ANKS3: variants seen among roughly 807,000 people sequenced by gnomAD.
The protein encoded by ANKS3 is ankyrin repeat and sterile alpha motif domain containing 3.
A neutral mutation model predicts 80.7 loss-of-function variants in ANKS3; 62 were observed. The ratio of observed to expected loss-of-function variants is 0.77; its 90% confidence interval spans 0.63 to 0.95. ANKS3 has a LOEUF of 0.95. Ranked by LOEUF, ANKS3 falls within the 40% of genes least tolerant of loss-of-function variation. The probability of loss-of-function intolerance (pLI) is 0.00; values close to 1 mark genes in which losing one functional copy is unlikely to be tolerated. For synonymous variants in ANKS3, 489 were observed against 355.3 expected, an observed-to-expected ratio of 1.38 and a Z score of -4.23; for missense variants, 1,150 against 883.6, an observed-to-expected ratio of 1.30 and a Z score of -3.82.
At chr16:4,723,889 C>A (rs62037159) in intron 6 of ANKS3, among the ~76,000 whole-genome samples, 1 of 151,164 alleles carries the variant, frequency 6.6e-6, no homozygotes, top group Admixed American at 6.6e-5. Flanking sequence ...CCCAACTCTA[C>A]CAAAAAAAAA....
At chr16:4,711,770 A>G (rs900102790) in intron 7 of ANKS3, among the ~76,000 whole-genome samples, 3 of 151,934 alleles carry the variant, frequency 2.0e-5, no homozygotes, top group Non-Finnish European at 2.9e-5. Flanking sequence ...ACCTCTGCAG[A>G]TAAGTCTGAA....
chr16:4,719,983 G>A lies in ANKS3; in HGVS notation c.573+4767C>T, dbSNP rs182725483. On this transcript the variant is annotated intron_variant, in intron 6 of 17. Transcript: ENST00000304283. ...TCGAGACCAGCCTGGCCAACATGGT[G>A]AAACCCTGTCTCCACTAAAAATACA... Among the ~76,000 whole-genome samples, 190 of 150,166 alleles carry A rather than the reference G, an allele frequency of 1.3e-3. 4 individuals are homozygous for A. Among genetic ancestry groups the A allele is most frequent in the African/African-American group, 4.2e-3 (174 of 41,058 alleles).
chr16:4,703,780 G>A (rs1027168420), intron 8 of ANKS3, among the ~76,000 whole-genome samples: 3 of 152,086 alleles, frequency 2.0e-5, no homozygotes, highest in African/African-American at 7.2e-5. Context: ...CAAGGTATGA[G>A]AAAACAAAAA....
intron 7 of ANKS3, among the ~76,000 whole-genome samples, chr16:4,712,357 G>A (rs2080539803): frequency 6.6e-6 from 1 of 151,960 alleles, no homozygotes; most frequent in Non-Finnish European, 1.5e-5. Flanking sequence ...TCCAGCCTGG[G>A]CAACAGAGCA....
At chr16:4,714,378 CT>C in intron 6 of ANKS3, 192 bp from the exon 7 acceptor site, 1 of 774,004 alleles carries the variant, frequency 1.3e-6, no homozygotes, top group Non-Finnish European at 2.0e-6. Context: ...TCACTCTCTT[CT>C]TAGGGACAAG....
chr16:4,701,680 T>G, intron 9 of ANKS3, 137 bp from the exon 10 acceptor site: 1 of 702,802 alleles, frequency 1.4e-6, no homozygotes, highest in Non-Finnish European at 2.3e-6. Context: ...TCAAACTTCC[T>G]GCCTGTCCTA....
chr16:4,711,155 C>T (rs561185620), intron 7 of ANKS3, among the ~76,000 whole-genome samples: 65 of 132,628 alleles, frequency 4.9e-4, no homozygotes, highest in Admixed American at 4.9e-3. Context: ...CTAGGCTGGA[C>T]TGCAATGGCA....
chr16:4,698,641 G>A (rs545419797), intron 13 of ANKS3, 42 bp from the exon 14 acceptor site: 74 of 1,533,568 alleles, frequency 4.8e-5, no homozygotes, highest in African/African-American at 6.8e-5. Context: ...GGAGGTGGCC[G>A]GTCAAGCCAG....
chr16:4,697,038 C>T lies in ANKS3; in HGVS notation c.1961G>A (p.Arg654Gln), dbSNP rs35716126. 826 of 1,613,652 alleles carry T rather than the reference C, an allele frequency of 5.1e-4. 6 individuals are homozygous for T. The highest frequency in any genetic ancestry group is 2.3e-4 in the Admixed American group (14 of 59,986). Residue 654 changes from arginine to glutamine, a missense_variant, in exon 17 of 18, where the codon CGG (arginine) becomes CAG (glutamine). Physicochemically the swap from Arg to Gln is conservative, Grantham distance 43. Coordinates refer to ENST00000304283, the MANE Select transcript of ANKS3 (RefSeq NM_133450.4). The part of the protein sequence containing the change: ...KLQVLNGKKW[R>Q]ET ...TCACCGGCCCGCAGGCTAGGTCTCC[C>T]GCCACTTCTTCCCGTTCAGCACCTG...
In ANKS3 at chr16:4,701,124, T is replaced by C. The variant is rs779978721; in HGVS notation, c.1130A>G (p.His377Arg). 1.2e-6 allele frequency: 2 copies of C among 1,613,944 alleles called. No individual in the cohort carries two copies. The highest frequency in any genetic ancestry group is 1.1e-5 in the South Asian group (1 of 91,086). ...ASVESNEDSD[H>R]ACKSSARKQA... ...TTTGCGAGCTGAGCTTTTACAGGCA[T>C]GATCCGAGTCCTGCAGTGAGAGGCG... The change falls in exon 11 of 18, where the codon CAT (histidine) becomes CGT (arginine). Residue 377 changes from histidine (H) to arginine (R), a missense_variant. His to Arg is a conservative substitution (Grantham distance 29). Transcript: ENST00000304283.
At chr16:4,717,084 A>G (rs2080843249) in intron 6 of ANKS3, among the ~76,000 whole-genome samples, 1 of 151,230 alleles carries the variant, frequency 6.6e-6, no homozygotes, top group African/African-American at 2.4e-5. Flanking sequence ...TCTACTAAAA[A>G]TACAAAAATT....
chr16:4,730,776 G>T (rs2081573148), intron 2 of ANKS3, among the ~76,000 whole-genome samples: 1 of 152,000 alleles, frequency 6.6e-6, no homozygotes, highest in African/African-American at 2.4e-5. Flanking sequence ...CACTTGAACT[G>T]AGGAGGCGGA....
chr16:4,727,016 C>T lies in ANKS3; in HGVS notation c.332G>A (p.Ser111Asn). The T allele has an allele frequency of 1.2e-6, 2 of 1,614,200 alleles. No individual in the cohort carries two copies. The highest frequency in any genetic ancestry group is 1.7e-6 in the Non-Finnish European group (2 of 1,180,052). Residue 111 changes from serine (S) to asparagine (N), a missense_variant, in exon 4 of 18, where the codon AGC (serine) becomes AAC (asparagine). By Grantham distance (46) the Ser-to-Asn change is conservative. Coordinates refer to ENST00000304283, the MANE Select transcript of ANKS3 (RefSeq NM_133450.4). ...EGQTPLMLAS[S>N]CGNESIAYFL... ...GTAGGCGATGCTCTCGTTGCCACAG[C>T]TGGAGGCCAGCATCAGTGGAGTCTG...
chr16:4,702,002 G>A, intron 9 of ANKS3, 100 bp downstream of exon 9: 3 of 1,385,050 alleles, frequency 2.2e-6, no homozygotes, highest in East Asian at 2.6e-5. Context: ...CTGCTGGATG[G>A]CTGTGTCCAG....
At chr16:4,698,406 G>A in intron 14 of ANKS3, 21 bp downstream of exon 14, 3 of 1,484,824 alleles carry the variant, frequency 2.0e-6, no homozygotes, top group South Asian at 1.3e-5. Flanking sequence ...ACCCAGCCCA[G>A]GGCAGCTCAG....
At chr16:4,730,534 G>A (rs1353170458) in intron 2 of ANKS3, among the ~76,000 whole-genome samples, 1 of 152,132 alleles carries the variant, frequency 6.6e-6, no homozygotes, top group African/African-American at 2.4e-5. Flanking sequence ...TCAGTTCCTT[G>A]ATGTGGTGGG....
Position 4,724,823 on chromosome 16 carries a change from A to G in ANKS3, c.500T>C (p.Ile167Thr), listed in dbSNP as rs764592083. The G allele has an allele frequency of 1.2e-6, 2 of 1,614,106 alleles. No individual in the cohort carries two copies. Among genetic ancestry groups the G allele is most frequent in the African/African-American group, 1.3e-5 (1 of 75,058 alleles). The change falls in exon 6 of 18, where the codon ATA (isoleucine) becomes ACA (threonine). Residue 167 changes from isoleucine to threonine, a missense_variant. By Grantham distance (89) the Ile-to-Thr change is moderately conservative. Coordinates refer to ENST00000304283, the MANE Select transcript of ANKS3 (RefSeq NM_133450.4). ...TTCCATCAAGGGAGTAAATCCACATATCGGCTCCCTGCAAGATGTGGGCCA... is the reference window on the plus strand; with the variant it reads ...TTCCATCAAGGGAGTAAATCCACATGTCGGCTCCCTGCAAGATGTGGGCCA... The part of the protein sequence containing the change: ...SGANANVREP[I>T]CGFTPLMEAA...
rs2079897312 is a variant in ANKS3, at chr16:4,701,421, A to G, written c.1119+13T>C. The G allele has an allele frequency of 6.3e-7, 1 of 1,583,104 alleles. No homozygotes were observed. Among genetic ancestry groups the G allele is most frequent in the African/African-American group, 1.4e-5 (1 of 73,770 alleles). Reference sequence around the variant, plus strand: ...GACCGGCTATGGGAGACCAAGAAAGAAAGAATCCGTACCTCGTTGCTCTCC... The same window carrying G: ...GACCGGCTATGGGAGACCAAGAAAGGAAGAATCCGTACCTCGTTGCTCTCC... On this transcript the variant is annotated intron_variant, in intron 10 of 17. Coordinates refer to ENST00000304283, the MANE Select transcript of ANKS3 (RefSeq NM_133450.4).
At chr16:4,713,878 T>C in intron 7 of ANKS3, 173 bp downstream of exon 7, 6 of 886,138 alleles carry the variant, frequency 6.8e-6, no homozygotes, top group East Asian at 2.7e-5. Context: ...ACCATCCTTA[T>C]CTCCTGTTAG....
Sources: gnomAD v4.1 joint callset for allele counts (sites outside exome capture counted in the v4.1 genomes callset) on GRCh38, gnomAD v4.1.1 for gene constraint, MANE v1.5 for transcripts, NCBI Gene and HGNC (gene_info 2026-07-23, HGNC 2026-07-21) for gene names.